Variants in TRPA1 observed in about 807,000 individuals in gnomAD.
The protein encoded by TRPA1 is transient receptor potential cation channel subfamily A member 1.
Under a neutral mutation model 131.3 loss-of-function variants are expected in TRPA1, and 129 were observed. The ratio of observed to expected loss-of-function variants is 0.98; its 90% CI spans 0.85 to 1.14. The LOEUF (loss-of-function observed/expected upper bound fraction) is 1.14, where lower values mean the gene tolerates loss of function less well. TRPA1 is among the 50% of genes most tolerant of loss of function. The probability of loss-of-function intolerance (pLI) is 0.00; values close to 1 mark genes in which losing one functional copy is unlikely to be tolerated. For synonymous variants in TRPA1, 441 were observed against 451.7 expected (o/e 0.98, Z 0.30); for missense variants, 1,304 against 1,354.2 (o/e 0.96, Z 0.58).
intron 3 of TRPA1, among the ~76,000 whole-genome samples, chr8:72,068,699 T>C (rs933048392): frequency 6.6e-6 from 1 of 152,202 alleles, no homozygotes; most frequent in African/African-American, 2.4e-5. Context: ...TTCAAATTCT[T>C]TTGGCACCTC....
chr8:72,080,406 C>T (rs150968583), upstream of TRPA1, among the ~76,000 whole-genome samples: 5 of 151,790 alleles, frequency 3.3e-5, no homozygotes, highest in African/African-American at 1.2e-4. Flanking sequence ...TTCTCACTTA[C>T]ATTATTTTAT....
intron 12 of TRPA1, chr8:72,055,113 CA>C: frequency 6.2e-6 from 2 of 322,086 alleles, no homozygotes; most frequent in South Asian, 6.3e-5. Context: ...AATATGGCAG[CA>C]TGATGAGGTA....
the TRPA1 span, among the ~76,000 whole-genome samples, chr8:72,084,005 C>T: frequency 9.9e-4 from 150 of 152,238 alleles, no homozygotes; most frequent in African/African-American, 2.8e-3. Flanking sequence ...AACATATAAT[C>T]ATAGTCACAG....
At chr8:72,034,857 A>C (rs1811972178) in intron 21 of TRPA1, among the ~76,000 whole-genome samples, 1 of 152,200 alleles carries the variant, frequency 6.6e-6, no homozygotes, top group African/African-American at 2.4e-5. Context: ...TGTTACCTTA[A>C]ATCATTTTAC....
chr8:72,054,841 TTC>T (rs1181299083), intron 12 of TRPA1: 1 of 152,464 alleles, frequency 6.6e-6, no homozygotes, highest in Non-Finnish European at 1.5e-5. Context: ...TCCAGGTTTT[TTC>T]TTTCTTATCA....
chr8:72,059,689 A>T (rs1040301685), intron 7 of TRPA1, among the ~76,000 whole-genome samples: 1 of 152,200 alleles, frequency 6.6e-6, no homozygotes, highest in African/African-American at 2.4e-5. Context: ...AACCTATTTT[A>T]TCTTGTAAAA....
At chr8:72,073,091 G>A (rs2028708) in intron 1 of TRPA1, among the ~76,000 whole-genome samples, 45,127 of 151,986 alleles carry the variant, frequency 0.3, 7,060 homozygotes, top group Middle Eastern at 0.44. Context: ...TCTGAACTAT[G>A]TGATTAGATT....
chr8:72,078,928 A>G (rs1408392817), upstream of TRPA1, among the ~76,000 whole-genome samples: 1 of 151,964 alleles, frequency 6.6e-6, no homozygotes, highest in Admixed American at 6.6e-5. Flanking sequence ...TAGTATTGTC[A>G]ATCTTTTTTT....
Position 72,061,717 on chromosome 8 carries a change from G to T in TRPA1, c.852C>A (p.Ala284=). 6.2e-7 allele frequency: 1 copy of T among 1,613,992 alleles called. No homozygotes were observed. Among genetic ancestry groups the T allele is most frequent in the Non-Finnish European group, 8.5e-7 (1 of 1,179,928 alleles). The change falls in exon 7 of 27, where the codon GCC becomes GCA. Residue 284 remains alanine (A), a synonymous_variant. Transcript: ENST00000262209. ...ATATCATCAGTTTAACAATCTCAGT[G>T]GCTCCCTGGGTGGCAGCAAAATGAA... is the stretch of plus-strand genomic sequence containing the variant. ...TAIHFAATQG[A]TEIVKLMISS... is the part of the protein sequence containing the mutation.
chr8:72,048,199 G>C (rs952199355), intron 15 of TRPA1, among the ~76,000 whole-genome samples: 1 of 152,088 alleles, frequency 6.6e-6, no homozygotes, highest in Non-Finnish European at 1.5e-5. Context: ...TAAACAATTT[G>C]AGACACCTCA....
chr8:72,047,970 C>T (rs1805389388), intron 15 of TRPA1, among the ~76,000 whole-genome samples: 1 of 151,868 alleles, frequency 6.6e-6, no homozygotes, highest in African/African-American at 2.4e-5. Context: ...TTCTGAACTG[C>T]CCCAGTCTGG....
chr8:72,067,560 A>G (rs999868743), intron 3 of TRPA1, among the ~76,000 whole-genome samples: 4 of 152,136 alleles, frequency 2.6e-5, no homozygotes, highest in African/African-American at 9.7e-5. Flanking sequence ...TTTCTAATTA[A>G]CAATAGTCTT....
At chr8:72,088,366 CTTTTTTTTT>C in the TRPA1 span, among the ~76,000 whole-genome samples, 1 of 81,214 alleles carries the variant, frequency 1.2e-5, no homozygotes, top group Non-Finnish European at 2.4e-5. Context: ...TCTTTGAAAA[CTTTTTTTTT>C]TTTTTTTTTT....
At chr8:72,053,159 G>C in intron 13 of TRPA1, 1 of 250,386 alleles carries the variant, frequency 4.0e-6, no homozygotes, top group South Asian at 5.3e-5. Context: ...AAATCCTCCT[G>C]AGATTGATCA....
the TRPA1 span, among the ~76,000 whole-genome samples, chr8:72,080,774 A>G: frequency 6.6e-6 from 1 of 151,682 alleles, no homozygotes; most frequent in South Asian, 2.1e-4. Flanking sequence ...AAATTTTGGT[A>G]ATTTGTTGAG....
chr8:72,057,974 A>G (rs974108794), intron 8 of TRPA1, among the ~76,000 whole-genome samples, 158 bp from the exon 9 acceptor site: 1 of 152,230 alleles, frequency 6.6e-6, no homozygotes, highest in Non-Finnish European at 1.5e-5. Flanking sequence ...AAAGTTTCCC[A>G]TAGTTCATAT....
intron 14 of TRPA1, among the ~76,000 whole-genome samples, chr8:72,051,491 T>C (rs1398055625): frequency 1.3e-5 from 2 of 152,162 alleles, no homozygotes; most frequent in Non-Finnish European, 2.9e-5. Flanking sequence ...CAAGATCTTA[T>C]CTAATTTTCT....
intron 12 of TRPA1, chr8:72,054,405 G>A (rs553025436): frequency 6.5e-6 from 1 of 153,640 alleles, no homozygotes; most frequent in Non-Finnish European, 1.4e-5. Flanking sequence ...TCTGAAAAAT[G>A]CTTACTCAAT....
chr8:72,071,892 A>T (rs1204559432), intron 1 of TRPA1, 25 bp from the exon 2 acceptor site: 1 of 1,609,146 alleles, frequency 6.2e-7, no homozygotes, highest in East Asian at 2.2e-5. Context: ...ACACCATTAT[A>T]CCAAACAAGC....
Sources: allele counts gnomAD v4.1 joint callset (sites outside exome capture counted in the v4.1 genomes callset), GRCh38; gene constraint gnomAD v4.1.1; transcripts MANE v1.5; gene names NCBI Gene and HGNC (gene_info 2026-07-23, HGNC 2026-07-21).